SEMA3C: variants seen among roughly 807,000 people sequenced by gnomAD.
SEMA3C encodes semaphorin 3C, also known as semaphorin-3C.
SEMA3C carries 47 observed loss-of-function variants against 89.4 expected under a neutral mutation model. That is an observed-to-expected ratio of 0.53 (90% CI 0.42 to 0.67). The LOEUF is 0.67. Among genes scored for constraint, SEMA3C ranks in the 30% least tolerant of loss-of-function variants. SEMA3C has a pLI of 0.00. For missense variants in SEMA3C, 839 were observed against 929.1 expected (o/e 0.90, Z 1.26); for synonymous variants, 310 against 320.2 (o/e 0.97, Z 0.34).
chr7:80,848,420 C>A (rs898635853), intron 2 of SEMA3C, among the ~76,000 whole-genome samples: 2 of 152,104 alleles, frequency 1.3e-5, no homozygotes, highest in Non-Finnish European at 2.9e-5. Flanking sequence ...TAAATAAAAT[C>A]TGGCAATGGA....
intron 2 of SEMA3C, among the ~76,000 whole-genome samples, chr7:80,845,711 C>T (rs548911014): frequency 1.3e-3 from 193 of 152,192 alleles, no homozygotes; most frequent in African/African-American, 4.4e-3. Flanking sequence ...TCTTTAGTTT[C>T]CTTCTTTGTT....
intron 2 of SEMA3C, among the ~76,000 whole-genome samples, chr7:80,863,984 C>A (rs1790864145): frequency 6.9e-6 from 1 of 144,864 alleles, no homozygotes; most frequent in Admixed American, 6.9e-5. Context: ...TCACATATAT[C>A]ACATGTATAT....
chr7:80,836,679 A>AAAACAAACAAACAAACAAAC (rs201820910), intron 2 of SEMA3C, among the ~76,000 whole-genome samples: 2 of 150,844 alleles, frequency 1.3e-5, no homozygotes, highest in Non-Finnish European at 3.0e-5. Context: ...CTCCATCTCA[A>AAAACAAACAAACAAACAAAC]AAACAAACAA....
intron 2 of SEMA3C, among the ~76,000 whole-genome samples, chr7:80,892,566 A>T (rs1319850877): frequency 6.6e-6 from 1 of 152,162 alleles, no homozygotes; most frequent in Non-Finnish European, 1.5e-5. Flanking sequence ...CAACAACAAC[A>T]ACAATGTAGA....
At position 80,853,230 on chromosome 7, in the gene SEMA3C, T is replaced by C. The variant is rs182744308; in HGVS notation, c.104-24485A>G. On this transcript the variant is annotated intron_variant, in intron 2 of 17. Coordinates refer to ENST00000265361, the MANE Select transcript of SEMA3C (RefSeq NM_006379.5). ...TGGAGGCTCCTCAAAAAACTAACAA[T>C]AGAACAACCGTAAGATCCAGCAATC... 5.2e-3 allele frequency among the ~76,000 whole-genome samples: 785 copies of C among 151,964 alleles called. 2 individuals carry two copies. Among genetic ancestry groups the C allele is most frequent in the Non-Finnish European group, 8.0e-3 (544 of 67,930 alleles).
chr7:80,871,556 A>G (rs73141830), intron 2 of SEMA3C, among the ~76,000 whole-genome samples: 1,647 of 152,302 alleles, frequency 0.011, 22 homozygotes, highest in Non-Finnish European at 0.015. Flanking sequence ...TTTATGCCAG[A>G]CAAATTTTTG....
chr7:80,777,675 T>C (rs1217444076), intron 12 of SEMA3C, among the ~76,000 whole-genome samples: 3 of 152,198 alleles, frequency 2.0e-5, no homozygotes, highest in East Asian at 3.8e-4. Flanking sequence ...TTGATCTACA[T>C]ACCACACTGC....
At position 80,744,051 on chromosome 7, in the gene SEMA3C, G is replaced by A. The variant is rs1787741591; in HGVS notation, c.*843C>T. On this transcript the variant is annotated 3_prime_UTR_variant, in exon 18 of 18. Coordinates refer to ENST00000265361, the MANE Select transcript of SEMA3C (RefSeq NM_006379.5). ...ACTTCAAATTTTTCCTTCTTATATT[G>A]TTTAATTTGCCACACAGACTAGGGA... 6.6e-6 allele frequency: 1 copy of A among 151,770 alleles called. No individual in the cohort carries two copies. Among genetic ancestry groups the A allele is most frequent in the Non-Finnish European group, 1.5e-5 (1 of 67,882 alleles). 9.4% of individuals were successfully genotyped at this position (151,770 alleles called of 1,614,324 possible).
intron 2 of SEMA3C, among the ~76,000 whole-genome samples, chr7:80,914,080 A>G (rs1397667360): frequency 6.6e-6 from 1 of 152,200 alleles, no homozygotes; most frequent in Non-Finnish European, 1.5e-5. Context: ...ACTTAGAGAT[A>G]TAAAACAAGT....
chr7:80,790,812 T>C (rs1788919847), intron 11 of SEMA3C, among the ~76,000 whole-genome samples: 1 of 152,196 alleles, frequency 6.6e-6, no homozygotes, highest in Non-Finnish European at 1.5e-5. Context: ...TGTCTGTTTC[T>C]CCCTCTAGAA....
intron 4 of SEMA3C, among the ~76,000 whole-genome samples, chr7:80,826,046 A>G (rs1182145958): frequency 6.6e-6 from 1 of 152,060 alleles, no homozygotes; most frequent in Non-Finnish European, 1.5e-5. Flanking sequence ...TATTGGATAA[A>G]TCACTCCAAG....
intron 2 of SEMA3C, among the ~76,000 whole-genome samples, chr7:80,875,954 A>C (rs1254409724): frequency 2.0e-5 from 3 of 152,170 alleles, no homozygotes; most frequent in Admixed American, 6.5e-5. Flanking sequence ...TAAAAAAAAA[A>C]ATGTGCTAGT....
intron 5 of SEMA3C, among the ~76,000 whole-genome samples, chr7:80,811,038 G>T (rs191651881): frequency 2.0e-5 from 3 of 152,172 alleles, no homozygotes; most frequent in Admixed American, 2.0e-4. Flanking sequence ...GCCAAAAGAA[G>T]AAAACTGTCC....
chr7:80,880,912 G>A (rs568915206), intron 2 of SEMA3C, among the ~76,000 whole-genome samples: 3 of 152,202 alleles, frequency 2.0e-5, no homozygotes, highest in African/African-American at 7.2e-5. Flanking sequence ...GTGACAGAGA[G>A]ACACTCTGTC....
chr7:80,872,797 C>CAAAAAAAAAAA (rs1218885274), intron 2 of SEMA3C, among the ~76,000 whole-genome samples: 1 of 40,090 alleles, frequency 2.5e-5, no homozygotes, highest in African/African-American at 8.5e-5. Context: ...GAGACTCTGT[C>CAAAAAAAAAAA]AAAAAAAAAA....
At chr7:80,906,418 C>T (rs980197317) in intron 2 of SEMA3C, among the ~76,000 whole-genome samples, 4 of 152,166 alleles carry the variant, frequency 2.6e-5, no homozygotes, top group Admixed American at 6.5e-5. Context: ...TCTTAACTCT[C>T]GGCCACCTTT....
chr7:80,919,947 G>A (rs991536975), upstream of SEMA3C, among the ~76,000 whole-genome samples: 2 of 152,082 alleles, frequency 1.3e-5, no homozygotes, highest in Non-Finnish European at 2.9e-5. Flanking sequence ...GTTTCCTATT[G>A]AGTTTCCTTA....
At chr7:80,891,000 A>G (rs1310496675) in intron 2 of SEMA3C, among the ~76,000 whole-genome samples, 1 of 152,204 alleles carries the variant, frequency 6.6e-6, no homozygotes, top group East Asian at 1.9e-4. Context: ...GCCTAGCACA[A>G]TTAAAAGCCT....
chr7:80,767,559 T>C (rs1191018351), intron 12 of SEMA3C, among the ~76,000 whole-genome samples: 1 of 152,226 alleles, frequency 6.6e-6, no homozygotes. Context: ...TTGTGAGTAA[T>C]CTGGCAAAGT....
Sources: gnomAD v4.1 joint callset for allele counts (sites outside exome capture counted in the v4.1 genomes callset) on GRCh38, gnomAD v4.1.1 for gene constraint, MANE v1.5 for transcripts, NCBI Gene and HGNC (gene_info 2026-07-23, HGNC 2026-07-21) for gene names.